SYCE2: variants seen among roughly 807,000 people sequenced by gnomAD.
The protein encoded by SYCE2 is synaptonemal complex central element protein 2, also known as central element synaptonemal complex 1.
A neutral mutation model predicts 27.9 loss-of-function variants in SYCE2; 3 were observed. The observed-to-expected ratio is 0.11, with a 90% CI of 0.05 to 0.28. SYCE2 has a LOEUF of 0.28. Ranked by LOEUF, SYCE2 falls within the 10% of genes least tolerant of loss-of-function variation. SYCE2 has a pLI of 1.00. For missense variants in SYCE2, 207 were observed against 263.5 expected, an observed-to-expected ratio of 0.79 and a Z score of 1.48; for synonymous variants, 85 against 100.7, an observed-to-expected ratio of 0.84 and a Z score of 0.93.
chr19:12,917,350 G>A (rs910735557), intron 2 of SYCE2, among the ~76,000 whole-genome samples: 4 of 151,954 alleles, frequency 2.6e-5, no homozygotes, highest in African/African-American at 4.8e-5. Flanking sequence ...CACCGTGCCC[G>A]GCCTACTAAA....
rs528574237 is a variant in SYCE2, at chr19:12,914,939, G to C, written c.131+3283C>G. Among the ~76,000 whole-genome samples, 10 of 152,332 alleles carry C rather than the reference G, an allele frequency of 6.6e-5. No individual in the cohort carries two copies. The South Asian group carries it at 8.3e-4, about 13-fold the overall frequency. ...CCGTATCTTTTTATAACGGGAACCT[G>C]AGCATGTCACTTCTGTGACCCAGCA... On this transcript the variant is annotated intron_variant, in intron 2 of 5. Coordinates refer to ENST00000293695, the MANE Select transcript of SYCE2 (RefSeq NM_001105578.2).
chr19:12,905,015 A>T (rs78217170), intron 2 of SYCE2, among the ~76,000 whole-genome samples: 8 of 150,712 alleles, frequency 5.3e-5, no homozygotes, highest in African/African-American at 2.0e-4. Context: ...AAAAAAAAAA[A>T]GGACAGGATG....
At chr19:12,911,067 G>T in intron 2 of SYCE2, among the ~76,000 whole-genome samples, 1 of 151,996 alleles carries the variant, frequency 6.6e-6, no homozygotes. Context: ...ACTCCCCCAG[G>T]CTCAAGTGAT....
At position 12,904,489 on chromosome 19, in the gene SYCE2, C is replaced by A; in HGVS notation, c.306+3G>T. 6.2e-7 allele frequency: 1 copy of A among 1,614,046 alleles called. No homozygotes were observed. Among genetic ancestry groups the A allele is most frequent in the South Asian group, 1.1e-5 (1 of 91,082 alleles). On this transcript the variant is annotated splice_donor_region_variant and intron_variant, in intron 3 of 5. Transcript: ENST00000293695. ...CCCCCTCTCGCTGGGTGGAGTCTGT[C>A]ACCTTGGTCTTCAGGCTGTTCCTGA...
chr19:12,919,135 A>C, intron 1 of SYCE2, 108 bp downstream of exon 1: 1 of 1,482,440 alleles, frequency 6.7e-7, no homozygotes, highest in African/African-American at 1.4e-5. Flanking sequence ...CCAATGGCAA[A>C]GGACAAGCGG....
At chr19:12,906,780 C>T (rs951486138) in intron 2 of SYCE2, among the ~76,000 whole-genome samples, 3 of 152,010 alleles carry the variant, frequency 2.0e-5, no homozygotes, top group East Asian at 1.9e-4. Flanking sequence ...CAGTGGCAGG[C>T]GCCTGTAATC....
At chr19:12,910,373 ACT>A (rs1387918471) in intron 2 of SYCE2, among the ~76,000 whole-genome samples, 1 of 151,576 alleles carries the variant, frequency 6.6e-6, no homozygotes, top group Non-Finnish European at 1.5e-5. Flanking sequence ...TTTGAGACAG[ACT>A]CTCACTCGGT....
chr19:12,915,615 A>G (rs1029240177), intron 2 of SYCE2, among the ~76,000 whole-genome samples: 2 of 151,704 alleles, frequency 1.3e-5, no homozygotes, highest in Non-Finnish European at 2.9e-5. Flanking sequence ...AAAAAAAAAA[A>G]AAAAGGTGAA....
At chr19:12,908,926 C>G (rs1970991988) in intron 2 of SYCE2, among the ~76,000 whole-genome samples, 1 of 152,202 alleles carries the variant, frequency 6.6e-6, no homozygotes, top group African/African-American at 2.4e-5. Flanking sequence ...TCCCTGCTGG[C>G]CCCTGCAGCT....
rs184139160 is a variant in SYCE2, at chr19:12,907,349, C to T, written c.132-2683G>A. Among the ~76,000 whole-genome samples, 31 of 152,320 alleles carry T rather than the reference C, an allele frequency of 2.0e-4. No individual in the cohort carries two copies. In the East Asian group the frequency reaches 2.7e-3, roughly 13 times the overall value. On this transcript the variant is annotated intron_variant, in intron 2 of 5. Coordinates refer to ENST00000293695, the MANE Select transcript of SYCE2 (RefSeq NM_001105578.2). ...CCTGCTTCCTACTAAGGCACTCAGG[C>T]GCCACTCCCCTCCTGGATCTTACAT...
intron 3 of SYCE2, among the ~76,000 whole-genome samples, chr19:12,904,061 G>A (rs1164226096): frequency 6.6e-6 from 1 of 152,188 alleles, no homozygotes; most frequent in African/African-American, 2.4e-5. Context: ...GTGTGACAAT[G>A]CAAGTTGTGC....
At chr19:12,905,705 G>C (rs548405397) in intron 2 of SYCE2, among the ~76,000 whole-genome samples, 67 of 152,138 alleles carry the variant, frequency 4.4e-4, no homozygotes, top group African/African-American at 1.6e-3. Context: ...GAGTGCAGTG[G>C]CACAATCATA....
chr19:12,903,877 C>T (rs1483371036), intron 3 of SYCE2, among the ~76,000 whole-genome samples: 2 of 152,190 alleles, frequency 1.3e-5, no homozygotes, highest in South Asian at 2.1e-4. Flanking sequence ...GGATTACAGG[C>T]GTGAGCCACT....
chr19:12,918,728 C>A (rs374262954), intron 1 of SYCE2, among the ~76,000 whole-genome samples: 1 of 151,782 alleles, frequency 6.6e-6, no homozygotes, highest in East Asian at 1.9e-4. Context: ...CGGAGGCGGG[C>A]GGATCACGAG....
intron 2 of SYCE2, chr19:12,905,980 T>C (rs1352999530): frequency 1.3e-5 from 2 of 152,022 alleles, no homozygotes; most frequent in African/African-American, 2.4e-5. Context: ...TGCCTCAGCC[T>C]CCCGAGTAGC....
chr19:12,904,682 C>G lies in SYCE2; in HGVS notation c.132-16G>C. 3.1e-6 allele frequency: 5 copies of G among 1,612,546 alleles called. No homozygotes were observed. The highest frequency in any genetic ancestry group is 4.2e-6 in the Non-Finnish European group (5 of 1,179,778). ...GCAACTGGCACTGGAGGTGGCGACACAAGGGCAAGAAACCTGACTTCTCAG... is the reference window on the plus strand; with the variant it reads ...GCAACTGGCACTGGAGGTGGCGACAGAAGGGCAAGAAACCTGACTTCTCAG... On this transcript the variant is annotated splice_polypyrimidine_tract_variant and intron_variant, in intron 2 of 5. Coordinates refer to ENST00000293695, the MANE Select transcript of SYCE2 (RefSeq NM_001105578.2).
chr19:12,903,258 A>AT (rs1381223396), intron 3 of SYCE2, among the ~76,000 whole-genome samples: 5 of 148,490 alleles, frequency 3.4e-5, no homozygotes, highest in African/African-American at 1.2e-4. Context: ...CGCCCAGCTA[A>AT]TTTTTTGTAT....
chr19:12,904,889 C>G, intron 2 of SYCE2: 1 of 430,270 alleles, frequency 2.3e-6, no homozygotes, highest in Non-Finnish European at 4.3e-6. Flanking sequence ...CCTGTAGTCC[C>G]AGCTACTTGG....
chr19:12,904,400 A>C, intron 3 of SYCE2, 92 bp downstream of exon 3: 6 of 1,495,810 alleles, frequency 4.0e-6, no homozygotes, highest in Non-Finnish European at 5.5e-6. Context: ...ATGGCCTAGC[A>C]CCGTGCCTGG....
Sources: allele counts gnomAD v4.1 joint callset (sites outside exome capture counted in the v4.1 genomes callset), GRCh38; gene constraint gnomAD v4.1.1; transcripts MANE v1.5; gene names NCBI Gene and HGNC (gene_info 2026-07-23, HGNC 2026-07-21).